Variants in PCNT observed in about 807,000 individuals in gnomAD.
PCNT encodes pericentrin, also known as kendrin.
In PCNT, 319 loss-of-function variants were observed where a neutral mutation model predicts 380.4. The observed-to-expected ratio is 0.84, with a 90% CI of 0.77 to 0.92. The LOEUF is 0.92. Ranked by LOEUF, PCNT falls within the 40% of genes least tolerant of loss-of-function variation. The pLI, the probability that PCNT is intolerant of heterozygous loss-of-function variation, is 0.00. For missense variants in PCNT, 4,400 were observed against 4,255.3 expected (o/e 1.03, Z -0.95); for synonymous variants, 1,845 against 1,735.2 (o/e 1.06, Z -1.57).
intron 42 of PCNT, among the ~76,000 whole-genome samples, 156 bp downstream of exon 42, chr21:46,440,358 C>T (rs1352625322): frequency 2.6e-5 from 4 of 152,226 alleles, no homozygotes; most frequent in Non-Finnish European, 5.9e-5. Context: ...TAAACTTCGG[C>T]TTGAATTTTG....
chr21:46,388,500 G>C lies in PCNT; in HGVS notation c.3465-242G>C, dbSNP rs2085917846. Among the ~76,000 whole-genome samples, 1 of 152,220 alleles carries C rather than the reference G, an allele frequency of 6.6e-6. No homozygotes were observed. The highest frequency in any genetic ancestry group is 6.5e-5 in the Admixed American group (1 of 15,278). On this transcript the variant is annotated intron_variant, in intron 17 of 46. Coordinates refer to ENST00000359568, the MANE Select transcript of PCNT (RefSeq NM_006031.6). The surrounding 1 kb of genome is among the most constrained non-coding windows in gnomAD (Gnocchi z 4.2). Reference sequence around the variant, plus strand: ...GTGATGCCTTTTACACATCAGAAATGGCATCAGGAAGACCTCACCTAGGAA... The same window carrying C: ...GTGATGCCTTTTACACATCAGAAATCGCATCAGGAAGACCTCACCTAGGAA...
At chr21:46,423,347 C>A (rs2087337144) in intron 32 of PCNT, among the ~76,000 whole-genome samples, 1 of 151,506 alleles carries the variant, frequency 6.6e-6, no homozygotes, top group African/African-American at 2.4e-5. Flanking sequence ...TGAGCCACCA[C>A]ACCCAGCTAA....
intron 38 of PCNT, among the ~76,000 whole-genome samples, chr21:46,432,944 T>G (rs1318432376): frequency 1.3e-5 from 2 of 152,240 alleles, no homozygotes; most frequent in African/African-American, 2.4e-5. Context: ...TTCTTTAGTT[T>G]CTTTCAGTAG....
At chr21:46,422,804 TAGG>T (rs2087310617) in intron 32 of PCNT, among the ~76,000 whole-genome samples, 1 of 152,182 alleles carries the variant, frequency 6.6e-6, no homozygotes, top group African/African-American at 2.4e-5. Flanking sequence ...ACTGACCTTG[TAGG>T]AAGGACACTC....
intron 41 of PCNT, among the ~76,000 whole-genome samples, chr21:46,439,459 C>G (rs2053550255): frequency 6.6e-6 from 1 of 152,218 alleles, no homozygotes; most frequent in Non-Finnish European, 1.5e-5. Flanking sequence ...CCTCAGCCTC[C>G]TGACCTGCAG....
chr21:46,344,688 A>C (rs1247737881), intron 3 of PCNT, among the ~76,000 whole-genome samples: 1 of 152,224 alleles, frequency 6.6e-6, no homozygotes, highest in East Asian at 1.9e-4. Flanking sequence ...TCGCTTCCAC[A>C]GGCAGGGGAT....
In PCNT at chr21:46,353,715, GGTGTGTGTGTGTGTGTGTGT is replaced by G. The variant is rs72175446; in HGVS notation, c.1680-254_1680-235del. On this transcript the variant is annotated intron_variant, in intron 10 of 46. Coordinates refer to ENST00000359568, the MANE Select transcript of PCNT (RefSeq NM_006031.6). ...TTGGTGGCAGGGGCACTCTCCTCCA[GGTGTGTGTGTGTGTGTGTGT>G]GTGTGTGTGTGTGTGTGAGAGAGAC... is the stretch of plus-strand genomic sequence containing the variant. 1.4e-4 allele frequency among the ~76,000 whole-genome samples: 18 copies of G among 129,048 alleles called. No individual in the cohort carries two copies. In the East Asian group the frequency reaches 3.9e-3, roughly 28 times the overall value. 84.7% of individuals were successfully genotyped at this position (129,048 alleles called of 152,430 possible).
intron 32 of PCNT, among the ~76,000 whole-genome samples, chr21:46,423,973 C>T (rs2087381806): frequency 6.6e-6 from 1 of 152,134 alleles, no homozygotes; most frequent in African/African-American, 2.4e-5. Flanking sequence ...TCAGGGTTTT[C>T]CTTTATTGTC....
At position 46,425,886 on chromosome 21, in the gene PCNT, G is replaced by T. The variant is rs772467791; in HGVS notation, c.7235G>T (p.Gly2412Val). Residue 2412 changes from glycine to valine, a missense_variant, in exon 33 of 47, where the codon GGC becomes GTC. Gly to Val is a moderately radical substitution (Grantham distance 109). Coordinates refer to ENST00000359568, the MANE Select transcript of PCNT (RefSeq NM_006031.6). The surrounding 1 kb of genome is among the most constrained non-coding windows in gnomAD (Gnocchi z 4.2). ...ESHQILALSE[G>V]LAPPSGEPHP... Reference sequence around the variant, plus strand: ...CACCAGATCCTGGCGCTGTCAGAAGGCCTTGCACCCCCAAGCGGCGAGCCA... The same window carrying T: ...CACCAGATCCTGGCGCTGTCAGAAGTCCTTGCACCCCCAAGCGGCGAGCCA... 1.9e-6 allele frequency: 3 copies of T among 1,613,746 alleles called. No individual in the cohort carries two copies. Among genetic ancestry groups the T allele is most frequent in the East Asian group, 2.2e-5 (1 of 44,880 alleles).
chr21:46,387,334 C>T (rs1391705457), intron 17 of PCNT, among the ~76,000 whole-genome samples: 2 of 152,176 alleles, frequency 1.3e-5, no homozygotes, highest in Non-Finnish European at 2.9e-5. Context: ...TTGGTGCTGA[C>T]TCTCTCCAGT....
intron 29 of PCNT, among the ~76,000 whole-genome samples, chr21:46,415,752 A>G (rs1430264328): frequency 6.6e-6 from 1 of 151,946 alleles, no homozygotes; most frequent in South Asian, 2.1e-4. Flanking sequence ...ACACACAGAA[A>G]CTCCAAATTC....
Position 46,412,967 on chromosome 21 carries a change from G to A in PCNT, c.6125G>A (p.Arg2042His), listed in dbSNP as rs149264703. The change falls in exon 29 of 47, where the codon CGC (arginine) becomes CAC (histidine). Residue 2042 changes from arginine (R) to histidine (H), a missense_variant. By Grantham distance (29) the Arg-to-His change is conservative. Coordinates refer to ENST00000359568, the MANE Select transcript of PCNT (RefSeq NM_006031.6). The part of the protein sequence containing the change: ...SELLLVKNEM[R>H]LSLEDGGKGK... ...CTGCTCTTGGTGAAAAATGAAATGC[G>A]CCTGAGTCTGGAGGACGGCGGCAAG... 2.7e-4 allele frequency: 427 copies of A among 1,610,340 alleles called. 2 individuals carry two copies. In the African/African-American group the frequency reaches 5.1e-3, roughly 19 times the overall value.
Position 46,416,209 on chromosome 21 carries a change from G to T in PCNT, c.6291G>T (p.Leu2097=), listed in dbSNP as rs1002349149. ...TGGATGCTGCCGACACCAAATCTCTGTGGCCCATGGCCTCAGCACACCTGT... is the reference window on the plus strand; with the variant it reads ...TGGATGCTGCCGACACCAAATCTCTTTGGCCCATGGCCTCAGCACACCTGT... ...QNVDAADTKS[L]WPMASAHLLE... is the part of the protein sequence containing the mutation. Residue 2097 remains leucine (L), a synonymous_variant, in exon 30 of 47, where the codon CTG becomes CTT. Coordinates refer to ENST00000359568, the MANE Select transcript of PCNT (RefSeq NM_006031.6). The T allele has an allele frequency of 6.2e-7, 1 of 1,614,198 alleles. No individual in the cohort carries two copies. The highest frequency in any genetic ancestry group is 8.5e-7 in the Non-Finnish European group (1 of 1,180,036).
chr21:46,397,513 A>G lies in PCNT; in HGVS notation c.4446+19A>G. 1 of 1,597,800 alleles carries G rather than the reference A, an allele frequency of 6.3e-7. No homozygotes were observed. Among genetic ancestry groups the G allele is most frequent in the Non-Finnish European group, 8.6e-7 (1 of 1,166,006 alleles). ...CATGGATGTAAGAATTCTGAATAAT[A>G]CATTTTTTTGCATCACTAAAAGTTG... On this transcript the variant is annotated intron_variant, in intron 22 of 46. Transcript: ENST00000359568.
At chr21:46,386,126 CCTT>C (rs1303774577) in intron 17 of PCNT, 143 bp downstream of exon 17, 21 of 937,370 alleles carry the variant, frequency 2.2e-5, no homozygotes, top group East Asian at 1.8e-4. Context: ...GACCCGGCTT[CCTT>C]CTTCTCTCAG....
chr21:46,413,619 C>G (rs921105014), intron 29 of PCNT, among the ~76,000 whole-genome samples: 3 of 152,186 alleles, frequency 2.0e-5, no homozygotes, highest in African/African-American at 7.2e-5. Flanking sequence ...TAACTGTGCT[C>G]GAGGGTTAGT....
In PCNT at chr21:46,412,794, C is replaced by T. The variant is rs538538876; in HGVS notation, c.5995-43C>T. 2 of 1,603,620 alleles carry T rather than the reference C, an allele frequency of 1.2e-6. 1 individual carries two copies. Among genetic ancestry groups the T allele is most frequent in the South Asian group, 2.2e-5 (2 of 91,000 alleles). ...GCCACCTGAGGGGCAGCCCCAGCAA[C>T]AGCCTCCTGCATGCTCAGCTTTCCT... On this transcript the variant is annotated intron_variant, in intron 28 of 46. Transcript: ENST00000359568.
At chr21:46,327,469 C>G (rs2083430793) in intron 2 of PCNT, among the ~76,000 whole-genome samples, 1 of 151,936 alleles carries the variant, frequency 6.6e-6, no homozygotes, top group African/African-American at 2.4e-5. Flanking sequence ...GGTGTGATCA[C>G]AGGTCACTGC....
intron 3 of PCNT, among the ~76,000 whole-genome samples, chr21:46,339,446 G>A (rs1392823818): frequency 2.0e-5 from 3 of 152,156 alleles, no homozygotes; most frequent in East Asian, 1.9e-4. Flanking sequence ...AAGGAGCATC[G>A]AGTCACATAA....
Sources: gnomAD v4.1 joint callset for allele counts (sites outside exome capture counted in the v4.1 genomes callset) on GRCh38, gnomAD v4.1.1 for gene constraint, Gnocchi (gnomAD v3.1) non-coding constraint, MANE v1.5 for transcripts, NCBI Gene and HGNC (gene_info 2026-07-23, HGNC 2026-07-21) for gene names.